The following CDKN2B-AS1 variants were observed in gnomAD, a reference collection of about 807,000 sequenced individuals.
The protein encoded by CDKN2B-AS1 is CDKN2B and CDKN2A antisense cis and trans regulatory RNA 1.
At chr9:22,060,984 G>T (rs909294543) in intron 4 of CDKN2B-AS1, among the ~76,000 whole-genome samples, 2 of 152,186 alleles carry the variant, frequency 1.3e-5, no homozygotes, top group South Asian at 2.1e-4. Context: ...TTCAAGTTGA[G>T]ATTTGGTAGG....
At chr9:22,032,196 AC>A (rs1183177729) in intron 1 of CDKN2B-AS1, among the ~76,000 whole-genome samples, 2 of 152,188 alleles carry the variant, frequency 1.3e-5, no homozygotes, top group Non-Finnish European at 2.9e-5. Context: ...ACATAAGTCT[AC>A]AAAAGTCATT....
At chr9:22,008,954 T>G in intron 1 of CDKN2B-AS1, 1 of 1,613,086 alleles carries the variant, frequency 6.2e-7, no homozygotes, top group Non-Finnish European at 8.5e-7. Flanking sequence ...CCTCGCGCAT[T>G]CCGCAGCCCC....
At chr9:22,101,480 A>C (rs1156785661) in intron 4 of CDKN2B-AS1, among the ~76,000 whole-genome samples, 1 of 152,220 alleles carries the variant, frequency 6.6e-6, no homozygotes, top group African/African-American at 2.4e-5. Context: ...GTAATGTCTC[A>C]GTTTTATATC....
rs1436508044 is a variant in CDKN2B-AS1 at position 21,996,383 on chromosome 9, G to A, written n.29+1222G>A. Among the ~76,000 whole-genome samples, 1 of 151,948 alleles carries A rather than the reference G, an allele frequency of 6.6e-6. No individual in the cohort carries two copies. Among genetic ancestry groups the A allele is most frequent in the Non-Finnish European group, 1.5e-5 (1 of 67,984 alleles). ...TACCCAACACCGTGCTTTGTGCTGG[G>A]GCCACATGCCACCTTTCTGTCTAGT... On this transcript the variant is annotated intron_variant and non_coding_transcript_variant, in intron 1 of 4. Coordinates refer to ENST00000650946, the Ensembl canonical transcript of CDKN2B-AS1. This position sits in a 1 kb window ranked among gnomAD's most constrained non-coding sequence, Gnocchi z 5.4.
chr9:22,012,389 G>C (rs1821547619), intron 1 of CDKN2B-AS1: 1 of 860,012 alleles, frequency 1.2e-6, no homozygotes, highest in Admixed American at 1.7e-5. Context: ...TGGCATTATT[G>C]AGCCTTCACT....
chr9:22,018,661 C>G (rs755977121), intron 1 of CDKN2B-AS1, among the ~76,000 whole-genome samples: 6 of 152,248 alleles, frequency 3.9e-5, no homozygotes, highest in Non-Finnish European at 8.8e-5. Flanking sequence ...TAAAAACAAA[C>G]AAAGAAAAAC....
At chr9:22,094,985 G>T (rs549931928) in intron 4 of CDKN2B-AS1, among the ~76,000 whole-genome samples, 2 of 144,666 alleles carry the variant, frequency 1.4e-5, no homozygotes, top group Non-Finnish European at 2.9e-5. Flanking sequence ...TACAGATGGG[G>T]TTTTGGTGTG....
At chr9:22,085,687 C>G (rs1032667392) in intron 4 of CDKN2B-AS1, among the ~76,000 whole-genome samples, 1 of 148,420 alleles carries the variant, frequency 6.7e-6, no homozygotes, top group Non-Finnish European at 1.5e-5. Flanking sequence ...TGCCACTGCA[C>G]TCCAGCGAGG....
chr9:22,053,803 T>C (rs1823449006), intron 3 of CDKN2B-AS1, among the ~76,000 whole-genome samples: 1 of 152,224 alleles, frequency 6.6e-6, no homozygotes, highest in African/African-American at 2.4e-5. Context: ...CTGTATTTTA[T>C]TCCTTAGGTC....
exon 5 of CDKN2B-AS1, among the ~76,000 whole-genome samples, chr9:22,127,758 G>GT: frequency 6.6e-6 from 1 of 152,298 alleles, no homozygotes; most frequent in East Asian, 1.9e-4. Flanking sequence ...TCATTGATGA[G>GT]ATGTTGAACC....
intron 4 of CDKN2B-AS1, chr9:22,119,588 T>C (rs1160888363): frequency 1.3e-5 from 2 of 152,208 alleles, no homozygotes; most frequent in Non-Finnish European, 2.9e-5. Flanking sequence ...AAGTGTTTGT[T>C]CTCTATTATA....
At chr9:22,044,362 C>A (rs966473078) in intron 1 of CDKN2B-AS1, among the ~76,000 whole-genome samples, 3 of 151,836 alleles carry the variant, frequency 2.0e-5, no homozygotes, top group Non-Finnish European at 4.4e-5. Flanking sequence ...AGTTATCAAA[C>A]AATTACTCTG....
intron 4 of CDKN2B-AS1, among the ~76,000 whole-genome samples, chr9:22,116,943 A>G (rs1353425077): frequency 2.0e-5 from 3 of 152,262 alleles, no homozygotes; most frequent in Non-Finnish European, 4.4e-5. Flanking sequence ...ACATGGAAGA[A>G]AGGCCTCAAG....
intron 4 of CDKN2B-AS1, chr9:22,092,575 T>C (rs1234119194): frequency 6.6e-6 from 1 of 152,228 alleles, no homozygotes; most frequent in African/African-American, 2.4e-5. Flanking sequence ...TCGAGGAATT[T>C]ATCCATTTCT....
intron 4 of CDKN2B-AS1, among the ~76,000 whole-genome samples, chr9:22,066,890 A>G (rs1205591246): frequency 6.6e-6 from 1 of 152,148 alleles, no homozygotes; most frequent in Non-Finnish European, 1.5e-5. Context: ...CAGCCATAAA[A>G]AGGGATGAGT....
At chr9:22,004,402 C>G (rs914543056) in intron 1 of CDKN2B-AS1, 1 of 232,026 alleles carries the variant, frequency 4.3e-6, no homozygotes, top group Non-Finnish European at 8.5e-6. Context: ...GTTTAATTTT[C>G]TATGGCATAA....
chr9:22,117,236 TTTTG>T (rs935633406), intron 4 of CDKN2B-AS1, among the ~76,000 whole-genome samples: 1 of 152,212 alleles, frequency 6.6e-6, no homozygotes, highest in African/African-American at 2.4e-5. Context: ...TGCTATGAAA[TTTTG>T]TTTATTTTTA....
intron 1 of CDKN2B-AS1, among the ~76,000 whole-genome samples, chr9:22,021,421 T>C (rs967238907): frequency 6.6e-6 from 1 of 152,196 alleles, no homozygotes; most frequent in South Asian, 2.1e-4. Flanking sequence ...CTTTTTTGGT[T>C]CCATATGACT....
At chr9:22,038,893 T>C (rs1822794301) in intron 1 of CDKN2B-AS1, among the ~76,000 whole-genome samples, 1 of 152,098 alleles carries the variant, frequency 6.6e-6, no homozygotes, top group Non-Finnish European at 1.5e-5. Flanking sequence ...AGTGTATGCA[T>C]AGTAAGTATT....
Sources: allele counts gnomAD v4.1 joint callset (sites outside exome capture counted in the v4.1 genomes callset), GRCh38; gene constraint gnomAD v4.1.1; non-coding constraint Gnocchi (gnomAD v3.1); transcripts MANE v1.5; gene names NCBI Gene and HGNC (gene_info 2026-07-23, HGNC 2026-07-21).